FZD5: variants seen among roughly 807,000 people sequenced by gnomAD.
FZD5 encodes the protein frizzled-5.
Under a neutral mutation model 40.8 loss-of-function variants are expected in FZD5, and 12 were observed. The observed-to-expected ratio is 0.29, with a 90% CI of 0.19 to 0.48. FZD5 has a LOEUF of 0.48. Ranked by LOEUF, FZD5 falls within the 20% of genes least tolerant of loss-of-function variation. FZD5 has a pLI of 0.99. For synonymous variants in FZD5, 380 were observed against 383.7 expected, an observed-to-expected ratio of 0.99 and a Z score of 0.11; for missense variants, 622 against 832.8, an observed-to-expected ratio of 0.75 and a Z score of 3.12.
At position 207,768,680 on chromosome 2, in the gene FZD5, C is replaced by T. The variant is rs1254555007; in HGVS notation, c.60G>A (p.Leu20=). Residue 20 remains leucine (L), a synonymous_variant, in exon 2 of 2, where the codon CTG becomes CTA. Transcript: ENST00000295417. ...PSLLLLLLAQ[L]VGRAAAASKA... ...TGGACGCGGCGGCCGCCCGGCCCAC[C>T]AGCTGCGCTAGGAGCAGCAGCAACA... The T allele has an allele frequency of 4.4e-6, 7 of 1,607,160 alleles. No individual in the cohort carries two copies. The highest frequency in any genetic ancestry group is 5.1e-6 in the Non-Finnish European group (6 of 1,177,218).
Position 207,766,990 on chromosome 2 carries a change from G to T in FZD5, c.1750C>A (p.His584Asn). 6.8e-7 allele frequency: 1 copy of T among 1,472,852 alleles called. No individual in the cohort carries two copies. The highest frequency in any genetic ancestry group is 8.9e-7 in the Non-Finnish European group (1 of 1,120,238). The allele number at this position is 1,472,852 out of a possible 1,614,324, so 91.2% of individuals were successfully genotyped here. ...CCCTCGGCGGCAGCCTCCTACACGT[G>T]CGACAGGGACACCTGCTTGTGGTAG... ...ATYHKQVSLS[H>N]V The change falls in exon 2 of 2, where the codon CAC becomes AAC. Residue 584 changes from histidine to asparagine, a missense_variant. Physicochemically the swap from His to Asn is moderately conservative, Grantham distance 68 (BLOSUM62 1). This residue lies in a region of FZD5 where 154 missense variants were observed against 152.1 expected (regional missense o/e 1.01). Coordinates refer to ENST00000295417, the MANE Select transcript of FZD5 (RefSeq NM_003468.4).
chr2:207,767,378 C>T lies in FZD5; in HGVS notation c.1362G>A (p.Thr454=), dbSNP rs989343268. The change falls in exon 2 of 2, where the codon ACG becomes ACA. Residue 454 remains threonine, a synonymous_variant. Transcript: ENST00000295417. ...TGCTGGCGGGGACCGTGTAGAGCAGCGTGAAGATGCCGATGCGGATCATGA... is the reference window on the plus strand; with the variant it reads ...TGCTGGCGGGGACCGTGTAGAGCAGTGTGAAGATGCCGATGCGGATCATGA... The part of the protein sequence containing the change: ...EKLMIRIGIF[T]LLYTVPASIV... 3 of 1,612,404 alleles carry T rather than the reference C, an allele frequency of 1.9e-6. No individual in the cohort carries two copies. Among genetic ancestry groups the T allele is most frequent in the Non-Finnish European group, 8.5e-7 (1 of 1,179,936 alleles).
rs2105848953 is a variant in FZD5, at chr2:207,762,918, T to G, written c.*4064A>C. 1 of 152,754 alleles carries G rather than the reference T, an allele frequency of 6.5e-6. No homozygotes were observed. The highest frequency in any genetic ancestry group is 2.4e-5 in the African/African-American group (1 of 41,572). 9.5% of individuals were successfully genotyped at this position (152,754 alleles called of 1,614,324 possible). On this transcript the variant is annotated 3_prime_UTR_variant, in exon 2 of 2. Coordinates refer to ENST00000295417, the MANE Select transcript of FZD5 (RefSeq NM_003468.4). ...TGTAAGTGTTACAGATTCAGAACTG[T>G]AATCATGTATCATCTGCCAGTAATA... is the stretch of plus-strand genomic sequence containing the variant.
rs962580814 is a variant in FZD5 at position 207,765,455 on chromosome 2, T to C, written c.*1527A>G. 6.6e-6 allele frequency: 1 copy of C among 152,132 alleles called. No individual in the cohort carries two copies. The highest frequency in any genetic ancestry group is 1.5e-5 in the Non-Finnish European group (1 of 68,030). 9.4% of individuals were successfully genotyped at this position (152,132 alleles called of 1,614,324 possible). A position where few individuals can be genotyped will look rare whatever the true frequency, so the allele number is the denominator to read the frequency against. ...TTTTCTAATAGCAAAGAAACCTCTG[T>C]GTGTATGTTCATCAATATAAGCGTT... On this transcript the variant is annotated 3_prime_UTR_variant, in exon 2 of 2. Coordinates refer to ENST00000295417, the MANE Select transcript of FZD5 (RefSeq NM_003468.4).
In FZD5 at chr2:207,767,684, G is replaced by A. The variant is rs2091987195; in HGVS notation, c.1056C>T (p.Ala352=). Residue 352 remains alanine, a synonymous_variant, in exon 2 of 2, where the codon GCC becomes GCT. Transcript: ENST00000295417. The part of the protein sequence containing the change: ...LAAGMKWGNE[A]IAGYAQYFHL... ...GGAAGTACTGCGCGTAGCCCGCGAT[G>A]GCCTCGTTGCCCCACTTCATGCCGG... 1 of 1,613,704 alleles carries A rather than the reference G, an allele frequency of 6.2e-7. No individual in the cohort carries two copies. Among genetic ancestry groups the A allele is most frequent in the South Asian group, 1.1e-5 (1 of 91,022 alleles).
At position 207,766,087 on chromosome 2, in the gene FZD5, AAAAAAAAAAG is replaced by A. The variant is rs1420450141; in HGVS notation, c.*885_*894del. ...CAAGTTCCTTAAAAAAAAAAAAAAAAAAAAAAAAAGGGGATCACTGAAGCTTAAGAACCAC... is the reference window on the plus strand; with the variant it reads ...CAAGTTCCTTAAAAAAAAAAAAAAAAGGGATCACTGAAGCTTAAGAACCAC... On this transcript the variant is annotated 3_prime_UTR_variant, in exon 2 of 2. Coordinates refer to ENST00000295417, the MANE Select transcript of FZD5 (RefSeq NM_003468.4). The A allele has an allele frequency of 8.0e-5, 9 of 113,166 alleles. No individual in the cohort carries two copies. Among genetic ancestry groups the A allele is most frequent in the African/African-American group, 2.2e-4 (7 of 32,352 alleles). The allele number at this position is 113,166 out of a possible 1,614,324, so 7.0% of individuals were successfully genotyped here.
Position 207,767,114 on chromosome 2 carries a change from C to T in FZD5, c.1626G>A (p.Arg542=), listed in dbSNP as rs766439676. Residue 542 remains arginine, a synonymous_variant, in exon 2 of 2, where the codon CGG becomes CGA. Transcript: ENST00000295417. ...RFTSRCCCRP[R]RGHKSGGAMA... is the part of the protein sequence containing the mutation. ...TGGCGCCCCCGCTCTTGTGGCCGCG[C>T]CGCGGGCGGCAGCAGCAGCGGCTGG... is the stretch of plus-strand genomic sequence containing the variant. The T allele has an allele frequency of 6.4e-7, 1 of 1,564,360 alleles. No homozygotes were observed. Among genetic ancestry groups the T allele is most frequent in the East Asian group, 2.4e-5 (1 of 41,938 alleles).
Position 207,766,254 on chromosome 2 carries a change from C to T in FZD5, c.*728G>A, listed in dbSNP as rs1226459256. ...TCTATAATGCTACCTCTAACTTATT[C>T]AAGACACAACGATGGTGCTGTTAGG... On this transcript the variant is annotated 3_prime_UTR_variant, in exon 2 of 2. Coordinates refer to ENST00000295417, the MANE Select transcript of FZD5 (RefSeq NM_003468.4). 6.6e-6 allele frequency: 1 copy of T among 152,164 alleles called. No homozygotes were observed. Among genetic ancestry groups the T allele is most frequent in the East Asian group, 1.9e-4 (1 of 5,190 alleles). 9.4% of individuals were successfully genotyped at this position (152,164 alleles called of 1,614,324 possible).
rs2091961495 is a variant in FZD5, at chr2:207,762,760, C to A, written c.*4222G>T. 6.6e-6 allele frequency: 1 copy of A among 152,458 alleles called. No individual in the cohort carries two copies. The highest frequency in any genetic ancestry group is 2.4e-5 in the African/African-American group (1 of 41,390). The allele number at this position is 152,458 out of a possible 1,614,324, so 9.4% of individuals were successfully genotyped here. ...TACCTTCCCACAAATATAATACATA[C>A]AAAATTTTTCTGAAGTAAGGTCAAC... On this transcript the variant is annotated 3_prime_UTR_variant, in exon 2 of 2. Coordinates refer to ENST00000295417, the MANE Select transcript of FZD5 (RefSeq NM_003468.4).
At position 207,767,098 on chromosome 2, in the gene FZD5, C is replaced by G. The variant is rs762358108; in HGVS notation, c.1642G>C (p.Gly548Arg). The G allele has an allele frequency of 1.9e-6, 3 of 1,586,924 alleles. No homozygotes were observed. Among genetic ancestry groups the G allele is most frequent in the Admixed American group, 1.8e-5 (1 of 56,228 alleles). The change falls in exon 2 of 2, where the codon GGG (glycine) becomes CGG (arginine). Residue 548 changes from glycine (G) to arginine (R), a missense_variant. Coordinates refer to ENST00000295417, the MANE Select transcript of FZD5 (RefSeq NM_003468.4). Reference sequence around the variant, plus strand: ...TAGTCCCCTGCGGCCATGGCGCCCCCGCTCTTGTGGCCGCGCCGCGGGCGG... The same window carrying G: ...TAGTCCCCTGCGGCCATGGCGCCCCGGCTCTTGTGGCCGCGCCGCGGGCGG... Reference protein sequence around the residue: ...CCRPRRGHKSGGAMAAGDYPE... With the variant: ...CCRPRRGHKSRGAMAAGDYPE...
In FZD5 at chr2:207,767,105, G is replaced by A; in HGVS notation, c.1635C>T (p.His545=). 6.4e-7 allele frequency: 1 copy of A among 1,574,264 alleles called. No individual in the cohort carries two copies. Among genetic ancestry groups the A allele is most frequent in the Non-Finnish European group, 8.6e-7 (1 of 1,160,616 alleles). Residue 545 remains histidine, a synonymous_variant, in exon 2 of 2, where the codon CAC becomes CAT. Transcript: ENST00000295417. ...SRCCCRPRRG[H]KSGGAMAAGD... ...CTGCGGCCATGGCGCCCCCGCTCTTGTGGCCGCGCCGCGGGCGGCAGCAGC... is the reference window on the plus strand; with the variant it reads ...CTGCGGCCATGGCGCCCCCGCTCTTATGGCCGCGCCGCGGGCGGCAGCAGC...
Position 207,768,783 on chromosome 2 carries a change from A to G in FZD5, c.-44T>C. ...GCCTCCAGCAGCCCGCGAGGGACGC[A>G]CACAGGCAGAGGAATCCGGGCCGGG... On this transcript the variant is annotated 5_prime_UTR_variant, in exon 2 of 2. Transcript: ENST00000295417. 1 of 1,432,938 alleles carries G rather than the reference A, an allele frequency of 7.0e-7. No homozygotes were observed. Among genetic ancestry groups the G allele is most frequent in the East Asian group, 2.5e-5 (1 of 39,944 alleles). The allele number at this position is 1,432,938 out of a possible 1,614,324, so 88.8% of individuals were successfully genotyped here. A position where few individuals can be genotyped will look rare whatever the true frequency, so the allele number is the denominator to read the frequency against.
chr2:207,766,071 TAAAAAAAA>T lies in FZD5; in HGVS notation c.*903_*910del, dbSNP rs1156799536. On this transcript the variant is annotated 3_prime_UTR_variant, in exon 2 of 2. Coordinates refer to ENST00000295417, the MANE Select transcript of FZD5 (RefSeq NM_003468.4). ...TACCAAAATTATAACACAAGTTCCT[TAAAAAAAA>T]AAAAAAAAAAAAAAAAAGGGGATCA... 1 of 91,610 alleles carries T rather than the reference TAAAAAAAA, an allele frequency of 1.1e-5. No individual in the cohort carries two copies. The highest frequency in any genetic ancestry group is 2.0e-5 in the Non-Finnish European group (1 of 50,820). 5.7% of individuals were successfully genotyped at this position (91,610 alleles called of 1,614,324 possible).
Position 207,768,572 on chromosome 2 carries a change from G to A in FZD5, c.168C>T (p.Asn56=). 1 of 1,613,992 alleles carries A rather than the reference G, an allele frequency of 6.2e-7. No homozygotes were observed. Among genetic ancestry groups the A allele is most frequent in the Admixed American group, 1.7e-5 (1 of 60,022 alleles). ...GGCCCGCCTCGTCCTGCGTGTCGTG[G>A]TTGAACTGGTTGGGCATGTGCGTCA... ...YNLTHMPNQF[N]HDTQDEAGLE... The change falls in exon 2 of 2, where the codon AAC becomes AAT. Residue 56 remains asparagine (N), a synonymous_variant. Coordinates refer to ENST00000295417, the MANE Select transcript of FZD5 (RefSeq NM_003468.4).
At position 207,768,914 on chromosome 2, in the gene FZD5, T is replaced by G; in HGVS notation, c.-175A>C. 6.6e-5 allele frequency: 39 copies of G among 595,260 alleles called. No individual in the cohort carries two copies. The highest frequency in any genetic ancestry group is 1.2e-4 in the East Asian group (4 of 32,850). 36.9% of individuals were successfully genotyped at this position (595,260 alleles called of 1,614,324 possible). On this transcript the variant is annotated 5_prime_UTR_variant, in exon 2 of 2. Coordinates refer to ENST00000295417, the MANE Select transcript of FZD5 (RefSeq NM_003468.4). Reference sequence around the variant, plus strand: ...AAGATAAACTGCTTCGGGAAGGCGCTGCCTCCGCTGGCAGCGCTCCGCTCC... The same window carrying G: ...AAGATAAACTGCTTCGGGAAGGCGCGGCCTCCGCTGGCAGCGCTCCGCTCC...
rs754264019 is a variant in FZD5 at position 207,768,145 on chromosome 2, T to C, written c.595A>G (p.Ile199Val). Residue 199 changes from isoleucine to valine, a missense_variant, in exon 2 of 2, where the codon ATT becomes GTT. By Grantham distance (29) the Ile-to-Val change is conservative (BLOSUM62 3). Around this residue, in one of 4 missense-constraint regions of FZD5, gnomAD observed 116 missense variants for 117.7 expected, o/e 0.99. Coordinates refer to ENST00000295417, the MANE Select transcript of FZD5 (RefSeq NM_003468.4). ...VCKCREPFVP[I>V]LKESHPLYNK... ...TAGAGCGGGTGTGACTCCTTCAGAA[T>C]GGGCACGAAGGGCTCGCGACACTTG... 94 of 1,611,204 alleles carry C rather than the reference T, an allele frequency of 5.8e-5. No individual in the cohort carries two copies. The highest frequency in any genetic ancestry group is 7.7e-5 in the Non-Finnish European group (91 of 1,179,818).
In FZD5 at chr2:207,766,265, G is replaced by A. The variant is rs1299801541; in HGVS notation, c.*717C>T. 1 of 152,080 alleles carries A rather than the reference G, an allele frequency of 6.6e-6. No homozygotes were observed. Among genetic ancestry groups the A allele is most frequent in the South Asian group, 2.1e-4 (1 of 4,826 alleles). 9.4% of individuals were successfully genotyped at this position (152,080 alleles called of 1,614,324 possible). ...ACCTCTAACTTATTCAAGACACAAC[G>A]ATGGTGCTGTTAGGAGTGAGAATTA... On this transcript the variant is annotated 3_prime_UTR_variant, in exon 2 of 2. Coordinates refer to ENST00000295417, the MANE Select transcript of FZD5 (RefSeq NM_003468.4).
Position 207,768,379 on chromosome 2 carries a change from G to C in FZD5, c.361C>G (p.Arg121Gly), listed in dbSNP as rs747943816. The C allele has an allele frequency of 8.8e-6, 14 of 1,599,616 alleles. No individual in the cohort carries two copies. The highest frequency in any genetic ancestry group is 1.3e-5 in the African/African-American group (1 of 74,796). Reference protein sequence around the residue: ...RAKAGCSPLMRQYGFAWPERM... With the variant: ...RAKAGCSPLMGQYGFAWPERM... ...TCGGGCCAGGCGAAGCCGTACTGGC[G>C]CATCAGCGGCGAGCAGCCGGCCTTG... The change falls in exon 2 of 2, where the codon CGC becomes GGC. Residue 121 changes from arginine to glycine, a missense_variant. Coordinates refer to ENST00000295417, the MANE Select transcript of FZD5 (RefSeq NM_003468.4).
In FZD5 at chr2:207,763,977, A is replaced by G. The variant is rs1358822682; in HGVS notation, c.*3005T>C. On this transcript the variant is annotated 3_prime_UTR_variant, in exon 2 of 2. Coordinates refer to ENST00000295417, the MANE Select transcript of FZD5 (RefSeq NM_003468.4). ...TGAGAAAGGTTTGCAAGGAAAACCA[A>G]TAAGGCACCAAGAAAAATTATTTCC... The G allele has an allele frequency of 6.5e-6, 1 of 152,690 alleles. No homozygotes were observed. The highest frequency in any genetic ancestry group is 1.9e-4 in the East Asian group (1 of 5,202). 9.5% of individuals were successfully genotyped at this position (152,690 alleles called of 1,614,324 possible).
Sources: allele counts gnomAD v4.1 joint callset, GRCh38; gene constraint gnomAD v4.1.1; regional missense constraint gnomAD v4.1.1; transcripts MANE v1.5; gene names NCBI Gene and HGNC (gene_info 2026-07-23, HGNC 2026-07-21).